Variants in ARHGEF4 observed in about 807,000 individuals in gnomAD.
ARHGEF4 encodes APC-stimulated guanine nucleotide exchange factor 1.
ARHGEF4 carries 119 observed loss-of-function variants against 162.0 expected under a neutral mutation model. The ratio of observed to expected loss-of-function variants is 0.73; its 90% CI spans 0.63 to 0.86. The LOEUF is 0.86. Ranked by LOEUF, ARHGEF4 falls within the 40% of genes least tolerant of loss-of-function variation. ARHGEF4 has a pLI of 0.00. For missense variants in ARHGEF4, 2,488 were observed against 2,456.0 expected (o/e 1.01, Z -0.28); for synonymous variants, 1,014 against 979.9 (o/e 1.03, Z -0.65).
At chr2:130,927,738 G>A (rs1682379150) in intron 2 of ARHGEF4, among the ~76,000 whole-genome samples, 1 of 152,170 alleles carries the variant, frequency 6.6e-6, no homozygotes, top group African/African-American at 2.4e-5. Flanking sequence ...ACCTGGTGTT[G>A]TTCCTTGTAT....
At chr2:130,950,271 C>T (rs1402061576) in intron 4 of ARHGEF4, among the ~76,000 whole-genome samples, 1 of 152,170 alleles carries the variant, frequency 6.6e-6, no homozygotes, top group African/African-American at 2.4e-5. Flanking sequence ...GATGTGGGAG[C>T]AGGCCACCTC....
At chr2:130,942,668 A>G (rs1259914505) in intron 3 of ARHGEF4, among the ~76,000 whole-genome samples, 1 of 152,174 alleles carries the variant, frequency 6.6e-6, no homozygotes, top group East Asian at 1.9e-4. Context: ...AGTCACTGGA[A>G]CTATGGTGCA....
Position 131,043,598 on chromosome 2 carries a change from C to A in ARHGEF4, c.5157+15C>A. On this transcript the variant is annotated intron_variant, in intron 11 of 13. Coordinates refer to ENST00000409359, the MANE Select transcript of ARHGEF4 (RefSeq NM_001367493.1). Reference sequence around the variant, plus strand: ...ACTGTAAGAAGGTACCAGAGCTGCTCTGCCCTGCTGCCCCAAGTTGAGCAA... The same window carrying A: ...ACTGTAAGAAGGTACCAGAGCTGCTATGCCCTGCTGCCCCAAGTTGAGCAA... The A allele has an allele frequency of 6.2e-7, 1 of 1,613,684 alleles. No homozygotes were observed. The highest frequency in any genetic ancestry group is 1.1e-5 in the South Asian group (1 of 91,060).
At chr2:130,992,535 C>A (rs534375387) in intron 4 of ARHGEF4, among the ~76,000 whole-genome samples, 1 of 151,988 alleles carries the variant, frequency 6.6e-6, no homozygotes, top group Non-Finnish European at 1.5e-5. Context: ...CCAGCGAGAC[C>A]ACGAACCGGG....
At chr2:131,007,949 A>G (rs1688231364) in intron 4 of ARHGEF4, among the ~76,000 whole-genome samples, 1 of 151,176 alleles carries the variant, frequency 6.6e-6, no homozygotes, top group South Asian at 2.1e-4. Flanking sequence ...AGTAGCTGTG[A>G]TTACAGGCAC....
At chr2:130,926,163 C>T (rs1488571798) in intron 2 of ARHGEF4, among the ~76,000 whole-genome samples, 2 of 151,724 alleles carry the variant, frequency 1.3e-5, no homozygotes, top group African/African-American at 4.8e-5. Context: ...TCTCCATTCT[C>T]CTGTAAGCTG....
rs765559711 is a variant in ARHGEF4 at position 131,041,220 on chromosome 2, T to C, written c.4663-10T>C. On this transcript the variant is annotated splice_polypyrimidine_tract_variant and intron_variant, in intron 8 of 13. Coordinates refer to ENST00000409359, the MANE Select transcript of ARHGEF4 (RefSeq NM_001367493.1). ...AGAGAGCTCTGCTAACCTCCAGCTGTGCCCCTTAGCAAGCCGACTTCCAGA... is the reference window on the plus strand; with the variant it reads ...AGAGAGCTCTGCTAACCTCCAGCTGCGCCCCTTAGCAAGCCGACTTCCAGA... The C allele has an allele frequency of 6.2e-7, 1 of 1,610,876 alleles. No homozygotes were observed. Among genetic ancestry groups the C allele is most frequent in the East Asian group, 2.2e-5 (1 of 44,850 alleles).
chr2:130,988,868 GTGTGTATATA>G (rs1381362539), intron 4 of ARHGEF4, among the ~76,000 whole-genome samples: 4 of 20,760 alleles, frequency 1.9e-4, no homozygotes, highest in Admixed American at 9.9e-4. Flanking sequence ...GTGTGTGTGT[GTGTGTATATA>G]TATATATATA....
At chr2:130,887,961 C>T (rs914209477) in intron 1 of ARHGEF4, among the ~76,000 whole-genome samples, 2 of 152,112 alleles carry the variant, frequency 1.3e-5, no homozygotes, top group Non-Finnish European at 2.9e-5. Context: ...GGACCAGCAT[C>T]ATGCTGTGTG....
chr2:131,044,277 G>A, intron 11 of ARHGEF4, 22 bp from the exon 12 acceptor site: 4 of 1,609,858 alleles, frequency 2.5e-6, no homozygotes, highest in Non-Finnish European at 2.5e-6. Flanking sequence ...CAGCAGCCAG[G>A]GCTGAGGCCA....
intron 1 of ARHGEF4, among the ~76,000 whole-genome samples, chr2:130,875,012 T>C (rs1166469242): frequency 6.6e-6 from 1 of 152,218 alleles, no homozygotes; most frequent in Admixed American, 6.5e-5. Flanking sequence ...CAACTCTGGT[T>C]CGTTTTTTGA....
intron 4 of ARHGEF4, among the ~76,000 whole-genome samples, chr2:130,954,610 TCTTCTGG>T (rs1250232743): frequency 1.1e-4 from 17 of 152,226 alleles, no homozygotes; most frequent in African/African-American, 4.1e-4. Context: ...TATCCCACTG[TCTTCTGG>T]CTTCTGGAGT....
intron 4 of ARHGEF4, among the ~76,000 whole-genome samples, chr2:130,947,836 C>T (rs1358421742): frequency 6.6e-6 from 1 of 152,182 alleles, no homozygotes. Flanking sequence ...TGTGGGGTCT[C>T]AGGTCTTGAG....
At chr2:130,938,967 G>A (rs950015449) in intron 3 of ARHGEF4, among the ~76,000 whole-genome samples, 21 of 152,158 alleles carry the variant, frequency 1.4e-4, no homozygotes, top group Non-Finnish European at 2.5e-4. Context: ...GGTAAATTGC[G>A]TGTTGCAAGG....
At chr2:130,887,826 C>T (rs1031440551) in intron 1 of ARHGEF4, among the ~76,000 whole-genome samples, 1 of 152,110 alleles carries the variant, frequency 6.6e-6, no homozygotes, top group Non-Finnish European at 1.5e-5. Context: ...TTTGCCTCCA[C>T]TGTGCTGGGA....
chr2:130,956,129 C>A (rs1342066022), intron 4 of ARHGEF4, among the ~76,000 whole-genome samples: 1 of 152,224 alleles, frequency 6.6e-6, no homozygotes, highest in African/African-American at 2.4e-5. Flanking sequence ...CTTTTGCTAT[C>A]AGTCTGCCCC....
At chr2:131,001,646 T>C (rs1159197138) in intron 4 of ARHGEF4, among the ~76,000 whole-genome samples, 1 of 152,152 alleles carries the variant, frequency 6.6e-6, no homozygotes, top group Non-Finnish European at 1.5e-5. Context: ...TGATTCTCTA[T>C]GTATCCTAGA....
chr2:130,912,148 C>T (rs996747529), intron 1 of ARHGEF4, among the ~76,000 whole-genome samples: 7 of 152,240 alleles, frequency 4.6e-5, no homozygotes, highest in African/African-American at 9.6e-5. Context: ...CAACCACTTG[C>T]AGTTGCACAG....
rs562565463 is a variant in ARHGEF4, at chr2:131,020,889, T to G, written c.3986-7056T>G. ...ACTTTTTAATGATCGCCATTCTAAC[T>G]GGTGTGAGATGGTATCTCATTGTTT... is the stretch of plus-strand genomic sequence containing the variant. On this transcript the variant is annotated intron_variant, in intron 4 of 13. Coordinates refer to ENST00000409359, the MANE Select transcript of ARHGEF4 (RefSeq NM_001367493.1). Among the ~76,000 whole-genome samples the G allele has an allele frequency of 3.3e-5, 5 of 152,348 alleles. No homozygotes were observed. The East Asian group carries it at 7.7e-4, about 24-fold the overall frequency.
Sources: gnomAD v4.1 joint callset for allele counts (sites outside exome capture counted in the v4.1 genomes callset) on GRCh38, gnomAD v4.1.1 for gene constraint, MANE v1.5 for transcripts, NCBI Gene and HGNC (gene_info 2026-07-23, HGNC 2026-07-21) for gene names.